Variants in NLGN1 observed in about 807,000 individuals in gnomAD.
NLGN1 encodes neuroligin-1.
Under a neutral mutation model 65.5 loss-of-function variants are expected in NLGN1, and 12 were observed. That is an observed-to-expected ratio of 0.18 (90% CI 0.12 to 0.30). The LOEUF is 0.30. Among genes scored for constraint, NLGN1 ranks in the 10% least tolerant of loss-of-function variants. NLGN1 has a pLI of 1.00. For missense variants in NLGN1, 750 were observed against 1,007.1 expected, an observed-to-expected ratio of 0.74 and a Z score of 3.46; for synonymous variants, 350 against 359.5, an observed-to-expected ratio of 0.97 and a Z score of 0.30.
intron 4 of NLGN1, among the ~76,000 whole-genome samples, chr3:174,216,410 A>G (rs1404755749): frequency 6.6e-6 from 1 of 152,152 alleles, no homozygotes; most frequent in Non-Finnish European, 1.5e-5. Context: ...TTATTATTTC[A>G]TTCTTTCTTT....
At chr3:173,689,100 G>T (rs1025076249) in intron 3 of NLGN1, among the ~76,000 whole-genome samples, 2 of 152,284 alleles carry the variant, frequency 1.3e-5, no homozygotes, top group South Asian at 4.1e-4. Flanking sequence ...ATAAAAGTCA[G>T]ACCTTCCTTT....
At position 174,086,498 on chromosome 3, in the gene NLGN1, C is replaced by T. The variant is rs148385767; in HGVS notation, c.647-188817C>T. Among the ~76,000 whole-genome samples, 1,154 of 150,990 alleles carry T rather than the reference C, an allele frequency of 7.6e-3. 18 individuals are homozygous for T. The highest frequency in any genetic ancestry group is 0.027 in the African/African-American group (1,109 of 41,280). On this transcript the variant is annotated intron_variant, in intron 4 of 6. Coordinates refer to ENST00000457714, the Ensembl canonical transcript of NLGN1. ...ATTCACTACATGCTCTAAAATGAGC[C>T]TTGGTGGAAACATGAAGAGGATATA...
At chr3:173,518,874 T>C (rs1429207504) in intron 2 of NLGN1, among the ~76,000 whole-genome samples, 1 of 152,016 alleles carries the variant, frequency 6.6e-6, no homozygotes, top group Admixed American at 6.6e-5. Context: ...GCTTACACAA[T>C]GGGGGAAAGG....
chr3:173,482,778 C>T (rs897641185), intron 2 of NLGN1, among the ~76,000 whole-genome samples: 5 of 151,848 alleles, frequency 3.3e-5, no homozygotes, highest in African/African-American at 9.7e-5. Context: ...ACCATGAAAC[C>T]TGATAAGAAC....
At chr3:173,541,039 G>T (rs912863309) in intron 2 of NLGN1, among the ~76,000 whole-genome samples, 2 of 152,052 alleles carry the variant, frequency 1.3e-5, no homozygotes, top group Admixed American at 6.6e-5. Flanking sequence ...GCACAGTGAC[G>T]TGCCATCCCA....
intron 4 of NLGN1, among the ~76,000 whole-genome samples, chr3:174,214,524 C>T (rs921588740): frequency 2.6e-5 from 4 of 151,994 alleles, no homozygotes; most frequent in African/African-American, 4.8e-5. Flanking sequence ...AAGAATGGAC[C>T]CATATTCACA....
chr3:173,916,918 G>C (rs1740853122), intron 4 of NLGN1, among the ~76,000 whole-genome samples: 1 of 152,184 alleles, frequency 6.6e-6, no homozygotes, highest in African/African-American at 2.4e-5. Context: ...GAAGGAAGCA[G>C]AAAGTAGAAA....
chr3:173,832,523 T>G (rs1320832091), intron 4 of NLGN1, among the ~76,000 whole-genome samples: 2 of 152,216 alleles, frequency 1.3e-5, no homozygotes, highest in Admixed American at 1.3e-4. Context: ...CTAGAAAAGT[T>G]TATGTAAACA....
At chr3:173,583,760 A>G (rs946866238) in intron 2 of NLGN1, among the ~76,000 whole-genome samples, 32 of 152,184 alleles carry the variant, frequency 2.1e-4, no homozygotes, top group African/African-American at 7.0e-4. Flanking sequence ...AGCAACATTG[A>G]GGCCTATGTA....
chr3:173,539,717 TACATATGC>T (rs1411978064), intron 2 of NLGN1, among the ~76,000 whole-genome samples: 1 of 129,696 alleles, frequency 7.7e-6, no homozygotes, highest in Non-Finnish European at 1.6e-5. Context: ...TACATATATG[TACATATGC>T]ACATATATAC....
At chr3:174,213,927 T>A (rs2152797516) in intron 4 of NLGN1, among the ~76,000 whole-genome samples, 1 of 152,302 alleles carries the variant, frequency 6.6e-6, no homozygotes, top group Non-Finnish European at 1.5e-5. Context: ...TTACCATATT[T>A]AATTTATAAT....
chr3:173,904,683 T>C (rs1163696660), intron 4 of NLGN1, among the ~76,000 whole-genome samples: 1 of 152,158 alleles, frequency 6.6e-6, no homozygotes, highest in East Asian at 1.9e-4. Flanking sequence ...CATATTCTTT[T>C]CTGGGTCACT....
At chr3:173,422,146 T>TATACACACACACACAC (rs398063034) in intron 1 of NLGN1, among the ~76,000 whole-genome samples, 21 of 130,316 alleles carry the variant, frequency 1.6e-4, no homozygotes, top group African/African-American at 5.6e-4. Context: ...ACACTATATA[T>TATACACACACACACAC]ACACACACAC....
intron 3 of NLGN1, among the ~76,000 whole-genome samples, chr3:173,620,217 G>T (rs1753766579): frequency 1.3e-5 from 2 of 152,142 alleles, no homozygotes; most frequent in Admixed American, 1.3e-4. Flanking sequence ...TAGTGTGTCA[G>T]TGACAATGAA....
At chr3:174,278,871 A>G (rs934163740) in exon 6 of NLGN1, 1 of 1,478,764 alleles carries the variant, frequency 6.8e-7, no homozygotes, top group East Asian at 2.3e-5. Flanking sequence ...GACTTTTTCA[A>G]CGAGCAATAG....
At chr3:173,430,814 G>T (rs1717038437) in intron 1 of NLGN1, among the ~76,000 whole-genome samples, 1 of 152,116 alleles carries the variant, frequency 6.6e-6, no homozygotes, top group African/African-American at 2.4e-5. Flanking sequence ...TTACATACCA[G>T]CTCCTCTTTG....
intron 4 of NLGN1, among the ~76,000 whole-genome samples, chr3:174,003,901 C>T (rs759488051): frequency 6.6e-6 from 1 of 152,192 alleles, no homozygotes; most frequent in Non-Finnish European, 1.5e-5. Flanking sequence ...TGATATGTAA[C>T]GCATTTAATC....
chr3:173,929,217 T>C (rs2152281308), intron 4 of NLGN1, among the ~76,000 whole-genome samples: 1 of 152,318 alleles, frequency 6.6e-6, no homozygotes, highest in Middle Eastern at 3.4e-3. Context: ...AAGCGCTCCT[T>C]GCCTAATTCA....
chr3:173,789,747 A>G, intron 3 of NLGN1: 1 of 436,976 alleles, frequency 2.3e-6, no homozygotes, highest in Non-Finnish European at 4.6e-6. Context: ...ATCTGGGCAT[A>G]ATGTACGGTG....
Sources: allele counts gnomAD v4.1 joint callset (sites outside exome capture counted in the v4.1 genomes callset), GRCh38; gene constraint gnomAD v4.1.1; transcripts MANE v1.5; gene names NCBI Gene and HGNC (gene_info 2026-07-23, HGNC 2026-07-21).